Variants in CAMTA1 observed in about 807,000 individuals in gnomAD.
CAMTA1 encodes calmodulin binding transcription activator 1.
Under a neutral mutation model 170.9 loss-of-function variants are expected in CAMTA1, and 27 were observed. The ratio of observed to expected loss-of-function variants is 0.16; its 90% CI spans 0.12 to 0.22. The LOEUF (loss-of-function observed/expected upper bound fraction) is 0.22, where lower values mean the gene tolerates loss of function less well. CAMTA1 is among the 10% of genes least tolerant of loss of function. The probability of loss-of-function intolerance (pLI) is 1.00; values close to 1 mark genes in which losing one functional copy is unlikely to be tolerated. For missense variants in CAMTA1, 1,619 were observed against 2,217.2 expected (o/e 0.73, Z 5.42); for synonymous variants, 833 against 891.5 (o/e 0.93, Z 1.17).
At chr1:7,101,878 G>A (rs1198019903) in intron 4 of CAMTA1, among the ~76,000 whole-genome samples, 4 of 152,044 alleles carry the variant, frequency 2.6e-5, no homozygotes, top group African/African-American at 4.8e-5. Context: ...ATACAGACAC[G>A]GAGCATATAC....
At position 7,561,045 on chromosome 1, in the gene CAMTA1, C is replaced by T. The variant is rs779983975; in HGVS notation, c.511-79355C>T. Among the ~76,000 whole-genome samples the T allele has an allele frequency of 1.3e-5, 2 of 152,126 alleles. No individual in the cohort carries two copies. The highest frequency in any genetic ancestry group is 4.8e-5 in the African/African-American group (2 of 41,432). ...GAAGCCCTGGCCCTCTGCGCTCAGGCTCAGGGGGTGACGCTGGGCTGGGCG... is the reference window on the plus strand; with the variant it reads ...GAAGCCCTGGCCCTCTGCGCTCAGGTTCAGGGGGTGACGCTGGGCTGGGCG... On this transcript the variant is annotated intron_variant, in intron 6 of 22. Coordinates refer to ENST00000303635, the MANE Select transcript of CAMTA1 (RefSeq NM_015215.4). This position sits in a 1 kb window ranked among gnomAD's most constrained non-coding sequence, Gnocchi z 5.3.
rs188227462 is a variant in CAMTA1, at chr1:6,978,553, G to C, written c.235-112751G>C. On this transcript the variant is annotated intron_variant, in intron 3 of 22. Coordinates refer to ENST00000303635, the MANE Select transcript of CAMTA1 (RefSeq NM_015215.4). ...AGAGGCTGAGGCAGGAGAGTCACTT[G>C]AACCCAGGAGTCGGAGGTTGCAGTG... 2.9e-3 allele frequency among the ~76,000 whole-genome samples: 437 copies of C among 152,152 alleles called. 2 individuals are homozygous for C. Among genetic ancestry groups the C allele is most frequent in the Middle Eastern group, 0.01 (3 of 292 alleles).
chr1:7,535,623 G>A (rs1004203382), intron 6 of CAMTA1, among the ~76,000 whole-genome samples: 1 of 152,224 alleles, frequency 6.6e-6, no homozygotes, highest in Non-Finnish European at 1.5e-5. Flanking sequence ...GCAAGCTGGA[G>A]AAGACCTTGG....
At chr1:7,702,784 C>T (rs537715058) in intron 11 of CAMTA1, among the ~76,000 whole-genome samples, 1 of 152,206 alleles carries the variant, frequency 6.6e-6, no homozygotes, top group African/African-American at 2.4e-5. Context: ...GTGCCCAGGT[C>T]GAGATTAAAA....
At chr1:7,404,745 GC>G (rs1332876540) in intron 5 of CAMTA1, among the ~76,000 whole-genome samples, 2 of 152,184 alleles carry the variant, frequency 1.3e-5, no homozygotes, top group African/African-American at 4.8e-5. Flanking sequence ...GAAAGGAAGA[GC>G]CAGCCTCCTT....
chr1:7,649,306 C>T (rs913446531), intron 7 of CAMTA1, among the ~76,000 whole-genome samples: 6 of 152,328 alleles, frequency 3.9e-5, no homozygotes, highest in Non-Finnish European at 7.3e-5. Flanking sequence ...AGCAGAGGCC[C>T]GGCTCCCTGC....
intron 5 of CAMTA1, among the ~76,000 whole-genome samples, chr1:7,408,324 C>T (rs1358874649): frequency 2.0e-5 from 3 of 152,232 alleles, no homozygotes; most frequent in East Asian, 3.9e-4. Flanking sequence ...ACAGCTGCTC[C>T]GCGTGTCTGT....
rs2090998682 is a variant in CAMTA1 at position 7,414,283 on chromosome 1, A to C, written c.439-53547A>C. On this transcript the variant is annotated intron_variant, in intron 5 of 22. Transcript: ENST00000303635. The stretch of plus-strand genomic sequence containing the variant: ...TGATGCTGGCCTCATAAAATGAGTT[A>C]GGGAGGATTCCCTCTTTTTCTATTG... Among the ~76,000 whole-genome samples, 4 of 152,336 alleles carry C rather than the reference A, an allele frequency of 2.6e-5. No homozygotes were observed. In the South Asian group the frequency reaches 8.3e-4, roughly 32 times the overall value.
At chr1:7,553,225 GAATGAGGGAATGA>G (rs2094830285) in intron 6 of CAMTA1, among the ~76,000 whole-genome samples, 1 of 13,046 alleles carries the variant, frequency 7.7e-5, no homozygotes, top group African/African-American at 8.2e-4. Context: ...GTGAGTGAAT[GAATGAGGGAATGA>G]ATGAATGAGG....
At chr1:6,798,314 G>A (rs988892399) in intron 1 of CAMTA1, among the ~76,000 whole-genome samples, 1 of 152,038 alleles carries the variant, frequency 6.6e-6, no homozygotes, top group Admixed American at 6.5e-5. Context: ...AATGGTAGAG[G>A]GCTCTGTAAA....
intron 1 of CAMTA1, among the ~76,000 whole-genome samples, chr1:6,788,294 C>T (rs1032630490): frequency 6.6e-6 from 1 of 152,072 alleles, no homozygotes; most frequent in East Asian, 1.9e-4. Context: ...CAACAAGTTC[C>T]GTTGGGCTCT....
intron 3 of CAMTA1, among the ~76,000 whole-genome samples, chr1:7,085,032 G>T (rs1253085219): frequency 6.6e-6 from 1 of 152,104 alleles, no homozygotes; most frequent in African/African-American, 2.4e-5. Context: ...TGTGCAGAAC[G>T]TGCAGGTTTG....
At chr1:6,998,999 G>T (rs530206045) in intron 3 of CAMTA1, among the ~76,000 whole-genome samples, 1 of 151,784 alleles carries the variant, frequency 6.6e-6, no homozygotes, top group Non-Finnish European at 1.5e-5. Flanking sequence ...TCTCACTTTT[G>T]TGCAGCCATC....
intron 4 of CAMTA1, among the ~76,000 whole-genome samples, chr1:7,102,532 C>T (rs1166770274): frequency 6.6e-6 from 1 of 152,154 alleles, no homozygotes; most frequent in African/African-American, 2.4e-5. Context: ...AGCCCACTGT[C>T]AGGTCTGGAG....
At chr1:7,679,587 A>C (rs1175555224) in intron 11 of CAMTA1, among the ~76,000 whole-genome samples, 5 of 120,530 alleles carry the variant, frequency 4.1e-5, no homozygotes, top group East Asian at 4.1e-4. Context: ...CCCCCCCCCC[A>C]GAACTTTGAG....
intron 6 of CAMTA1, among the ~76,000 whole-genome samples, chr1:7,508,716 TG>T (rs1242538915): frequency 7.1e-6 from 1 of 140,998 alleles, no homozygotes; most frequent in Non-Finnish European, 1.5e-5. Flanking sequence ...TTAGGAAGGT[TG>T]GAAGGGTGGA....
At chr1:7,514,137 A>C (rs1021541386) in intron 6 of CAMTA1, among the ~76,000 whole-genome samples, 2 of 152,250 alleles carry the variant, frequency 1.3e-5, no homozygotes, top group East Asian at 3.9e-4. Context: ...ACATCCAAGG[A>C]AGAAGGACTT....
chr1:6,937,443 C>T (rs1425433442), intron 3 of CAMTA1, among the ~76,000 whole-genome samples: 1 of 152,012 alleles, frequency 6.6e-6, no homozygotes, highest in African/African-American at 2.4e-5. Flanking sequence ...CCATCATCAT[C>T]ACCATCATCA....
chr1:7,055,483 C>T (rs1262446067), intron 3 of CAMTA1, among the ~76,000 whole-genome samples: 5 of 152,216 alleles, frequency 3.3e-5, no homozygotes, highest in Non-Finnish European at 7.3e-5. Flanking sequence ...TGAAAGAACA[C>T]ACAAAAGAGA....
Sources: gnomAD v4.1 joint callset for allele counts (sites outside exome capture counted in the v4.1 genomes callset) on GRCh38, gnomAD v4.1.1 for gene constraint, Gnocchi (gnomAD v3.1) non-coding constraint, MANE v1.5 for transcripts, NCBI Gene and HGNC (gene_info 2026-07-23, HGNC 2026-07-21) for gene names.